The following PRUNE2 variants were observed in gnomAD, a reference collection of about 807,000 sequenced individuals.
PRUNE2 encodes the protein protein prune homolog 2.
In PRUNE2, 164 loss-of-function variants were observed where a neutral mutation model predicts 252.0. The observed-to-expected ratio is 0.65, with a 90% CI of 0.57 to 0.74. The LOEUF is 0.74. Among genes scored for constraint, PRUNE2 ranks in the 30% least tolerant of loss-of-function variants. PRUNE2 has a pLI of 0.00. For synonymous variants in PRUNE2, 1,292 were observed against 1,350.2 expected (o/e 0.96, Z 0.94); for missense variants, 3,495 against 3,711.0 (o/e 0.94, Z 1.51).
chr9:76,783,057 T>C (rs907981165), intron 6 of PRUNE2, among the ~76,000 whole-genome samples: 68 of 152,196 alleles, frequency 4.5e-4, no homozygotes, highest in African/African-American at 1.4e-3. Context: ...ATAGTAGGTA[T>C]TGTGGTGATT....
At chr9:76,845,568 C>A (rs987949423) in intron 4 of PRUNE2, among the ~76,000 whole-genome samples, 1 of 152,166 alleles carries the variant, frequency 6.6e-6, no homozygotes, top group African/African-American at 2.4e-5. Flanking sequence ...TAAACCTTTA[C>A]AAGAATTATA....
intron 17 of PRUNE2, 124 bp downstream of exon 17, chr9:76,624,328 G>C: frequency 1.8e-6 from 1 of 548,482 alleles, no homozygotes. Flanking sequence ...AGGAGAAAGA[G>C]AATTTCTAAA....
chr9:76,659,465 T>C (rs1417745314), intron 9 of PRUNE2, among the ~76,000 whole-genome samples: 1 of 152,242 alleles, frequency 6.6e-6, no homozygotes, highest in East Asian at 1.9e-4. Context: ...CCTTTAGGGT[T>C]TTTGTCATAG....
intron 10 of PRUNE2, among the ~76,000 whole-genome samples, chr9:76,654,234 G>A (rs1161229627): frequency 2.0e-5 from 3 of 152,172 alleles, no homozygotes; most frequent in Non-Finnish European, 2.9e-5. Context: ...GGATTCCTAA[G>A]CACGAAATAT....
At chr9:76,733,832 C>T (rs879916719) in intron 6 of PRUNE2, 2 of 152,070 alleles carry the variant, frequency 1.3e-5, no homozygotes, top group Admixed American at 1.3e-4. Flanking sequence ...AATATAATAA[C>T]TGTCATTTTA....
Position 76,717,195 on chromosome 9 carries a change from C to G in PRUNE2, c.757-3474G>C, listed in dbSNP as rs148571781. Among the ~76,000 whole-genome samples the G allele has an allele frequency of 9.1e-3, 1,390 of 152,332 alleles. 14 individuals carry two copies. Among genetic ancestry groups the G allele is most frequent in the African/African-American group, 0.031 (1,305 of 41,566 alleles). ...AACAGATTCTCATCAGCTCTCCAAG[C>G]CAGATTCGATCTTACTGGCCTTGGG... is the stretch of plus-strand genomic sequence containing the variant. On this transcript the variant is annotated intron_variant, in intron 6 of 18. Transcript: ENST00000376718.
intron 9 of PRUNE2, among the ~76,000 whole-genome samples, chr9:76,686,116 G>C (rs1162292931): frequency 6.6e-6 from 1 of 152,222 alleles, no homozygotes; most frequent in Non-Finnish European, 1.5e-5. Context: ...GGGGAGAACT[G>C]ATTCATTTAA....
At chr9:76,657,027 T>C (rs776828823) in intron 9 of PRUNE2, among the ~76,000 whole-genome samples, 11 of 152,248 alleles carry the variant, frequency 7.2e-5, no homozygotes, top group Middle Eastern at 3.4e-3. Flanking sequence ...GCAACAAAGA[T>C]TGGGGAGGTA....
At chr9:76,838,308 A>T (rs1230890488) in intron 4 of PRUNE2, among the ~76,000 whole-genome samples, 1 of 152,130 alleles carries the variant, frequency 6.6e-6, no homozygotes, top group Non-Finnish European at 1.5e-5. Flanking sequence ...ATCTAAAAAC[A>T]ATGAGTAATA....
chr9:76,614,623 G>C (rs373267766), intron 18 of PRUNE2, 23 bp from the exon 19 acceptor site: 31 of 1,585,838 alleles, frequency 2.0e-5, no homozygotes, highest in African/African-American at 4.0e-5. Flanking sequence ...GAAAAAGAGA[G>C]AGAAACATGA....
At chr9:76,690,948 G>A (rs579025) in intron 9 of PRUNE2, among the ~76,000 whole-genome samples, 75,631 of 152,066 alleles carry the variant, frequency 0.5, 20,273 homozygotes, top group Middle Eastern at 0.64. Flanking sequence ...CTCCCAGATA[G>A]GAAGTTTCTC....
rs188705736 is a variant in PRUNE2 at position 76,709,037 on chromosome 9, G to T, written c.3237C>A (p.Tyr1079Ter). The T allele has an allele frequency of 6.2e-7, 1 of 1,613,964 alleles. No homozygotes were observed. Among genetic ancestry groups the T allele is most frequent in the Admixed American group, 1.7e-5 (1 of 60,020 alleles). The change falls in exon 8 of 19, where the codon TAC becomes TAA. Residue 1079 changes from tyrosine (Y) to a stop codon, truncating the protein, a stop_gained. Coordinates refer to ENST00000376718, the MANE Select transcript of PRUNE2 (RefSeq NM_015225.3). LOFTEE classifies it high-confidence loss of function. ...DDVGESSQSS[Y>*]DDPSMMQLYN... ...ACAGTTGCATCATGCTGGGGTCGTCGTAACTGGACTGGCTGCTTTCCCCGA... is the reference window on the plus strand; with the variant it reads ...ACAGTTGCATCATGCTGGGGTCGTCTTAACTGGACTGGCTGCTTTCCCCGA...
rs115466836 is a variant in PRUNE2, at chr9:76,713,046, G to A, written c.915+517C>T. Among the ~76,000 whole-genome samples, 1,025 of 152,146 alleles carry A rather than the reference G, an allele frequency of 6.7e-3. 11 individuals carry two copies. Among genetic ancestry groups the A allele is most frequent in the African/African-American group, 0.024 (983 of 41,506 alleles). ...TAAGTACACCTGGCTTGGTATATCC[G>A]ATGGCCTATTTTGATTAATTTATCT... On this transcript the variant is annotated intron_variant, in intron 7 of 18. Coordinates refer to ENST00000376718, the MANE Select transcript of PRUNE2 (RefSeq NM_015225.3).
chr9:76,723,154 T>C (rs997217554), intron 6 of PRUNE2, among the ~76,000 whole-genome samples: 3 of 152,172 alleles, frequency 2.0e-5, no homozygotes, highest in African/African-American at 7.2e-5. Context: ...GATCCTAAAA[T>C]TGAAAAAACC....
At chr9:76,799,078 C>G (rs1004516425) in intron 6 of PRUNE2, among the ~76,000 whole-genome samples, 12 of 152,314 alleles carry the variant, frequency 7.9e-5, no homozygotes, top group Middle Eastern at 3.4e-3. Context: ...CGGTGGCTCA[C>G]GCCTGTAATC....
chr9:76,701,037 C>T (rs751383029), intron 9 of PRUNE2, among the ~76,000 whole-genome samples: 3 of 152,184 alleles, frequency 2.0e-5, no homozygotes, highest in Admixed American at 6.5e-5. Flanking sequence ...AACTCCTAGA[C>T]GGCTGACAGT....
At chr9:76,664,791 G>A (rs998774493) in intron 9 of PRUNE2, among the ~76,000 whole-genome samples, 2 of 152,204 alleles carry the variant, frequency 1.3e-5, no homozygotes, top group Non-Finnish European at 2.9e-5. Flanking sequence ...GGGATTACAG[G>A]CATGAGCCAT....
chr9:76,847,477 A>T (rs80344181), intron 3 of PRUNE2, among the ~76,000 whole-genome samples: 2 of 152,054 alleles, frequency 1.3e-5, no homozygotes, highest in East Asian at 3.8e-4. Flanking sequence ...TAAAAAAAAA[A>T]CTGAGGCACA....
intron 6 of PRUNE2, among the ~76,000 whole-genome samples, chr9:76,745,824 GC>G (rs1460519187): frequency 6.6e-6 from 1 of 152,188 alleles, no homozygotes; most frequent in Admixed American, 6.5e-5. Flanking sequence ...GCTTCTGTCT[GC>G]CCAGGACCTT....
Sources: allele counts gnomAD v4.1 joint callset (sites outside exome capture counted in the v4.1 genomes callset), GRCh38; gene constraint gnomAD v4.1.1; transcripts MANE v1.5; gene names NCBI Gene and HGNC (gene_info 2026-07-23, HGNC 2026-07-21).